Variants in NCALD observed in about 807,000 individuals in gnomAD.
NCALD encodes neurocalcin delta.
Under a neutral mutation model 18.6 loss-of-function variants are expected in NCALD, and 10 were observed. That is an observed-to-expected ratio of 0.54 (90% CI 0.33 to 0.91). The LOEUF (loss-of-function observed/expected upper bound fraction) is 0.91, where lower values mean the gene tolerates loss of function less well. Among genes scored for constraint, NCALD ranks in the 40% least tolerant of loss-of-function variants. NCALD has a pLI of 0.03. For missense variants in NCALD, 184 were observed against 247.6 expected (o/e 0.74, Z 1.72); for synonymous variants, 88 against 87.4 (o/e 1.01, Z -0.04).
intron 2 of NCALD, among the ~76,000 whole-genome samples, chr8:102,003,782 T>A (rs1238538224): frequency 1.3e-5 from 2 of 152,164 alleles, no homozygotes; most frequent in African/African-American, 4.8e-5. Flanking sequence ...AAAAACCACA[T>A]GATTATCTCA....
chr8:102,118,564 C>T (rs1001241534), intron 1 of NCALD, among the ~76,000 whole-genome samples: 2 of 152,212 alleles, frequency 1.3e-5, no homozygotes, highest in Non-Finnish European at 2.9e-5. Flanking sequence ...CAGTAGTCTA[C>T]TTCTGTGAGG....
chr8:101,849,215 G>A (rs1814996193), intron 4 of NCALD, among the ~76,000 whole-genome samples: 1 of 152,136 alleles, frequency 6.6e-6, no homozygotes, highest in South Asian at 2.1e-4. Flanking sequence ...GAGGGATGGG[G>A]AGGGAGAGCA....
intron 1 of NCALD, among the ~76,000 whole-genome samples, chr8:102,082,818 G>A (rs1003633706): frequency 4.6e-5 from 7 of 152,180 alleles, no homozygotes; most frequent in East Asian, 1.9e-4. Flanking sequence ...ACCGCAGGGC[G>A]CAACTGTAAT....
chr8:101,707,940 A>G (rs573220375), intron 2 of NCALD, among the ~76,000 whole-genome samples: 2 of 152,294 alleles, frequency 1.3e-5, no homozygotes, highest in African/African-American at 4.8e-5. Context: ...GTGGACTCCA[A>G]GATTTTTGAA....
chr8:101,868,292 C>T (rs755288706), intron 4 of NCALD, among the ~76,000 whole-genome samples: 1 of 152,006 alleles, frequency 6.6e-6, no homozygotes, highest in Admixed American at 6.6e-5. Flanking sequence ...CCACACTGAG[C>T]TCGCACTGAC....
At chr8:101,792,475 G>A (rs981891362), upstream of NCALD, among the ~76,000 whole-genome samples, 13 of 152,094 alleles carry the variant, frequency 8.5e-5, no homozygotes, top group African/African-American at 2.2e-4. Context: ...CTGCAAAACC[G>A]AAATCAAACT....
intron 2 of NCALD, among the ~76,000 whole-genome samples, chr8:101,972,445 T>C (rs1280560030): frequency 6.6e-6 from 1 of 152,238 alleles, no homozygotes; most frequent in Admixed American, 6.5e-5. Flanking sequence ...ATTTTTTCCC[T>C]CTGTTCCCTT....
At chr8:101,782,188 ATTTGGTTTGGAAC>A (rs1722348377) in intron 1 of NCALD, among the ~76,000 whole-genome samples, 1 of 151,462 alleles carries the variant, frequency 6.6e-6, no homozygotes, top group South Asian at 2.1e-4. Context: ...TGACTTGTTC[ATTTGGTTTGGAAC>A]TTATATGAGT....
At chr8:101,764,763 C>A (rs1443772878) in intron 1 of NCALD, among the ~76,000 whole-genome samples, 2 of 152,176 alleles carry the variant, frequency 1.3e-5, no homozygotes, top group Non-Finnish European at 2.9e-5. Flanking sequence ...CAATTTAATC[C>A]TCCTAATAGT....
intron 3 of NCALD, chr8:101,691,426 G>T: frequency 1.0e-6 from 1 of 985,264 alleles, no homozygotes; most frequent in Non-Finnish European, 1.2e-6. Context: ...TTCATTGCCT[G>T]TGATCAACAC....
intron 2 of NCALD, among the ~76,000 whole-genome samples, chr8:101,938,652 T>C (rs1818847381): frequency 8.2e-6 from 1 of 122,348 alleles, no homozygotes. Context: ...AAAGAAATAA[T>C]GGTAAAAAAA....
rs542852869 is a variant in NCALD at position 102,006,682 on chromosome 8, T to C, written c.-157+13555A>G. ...TGGTGGTTCTGACAGAAGCTGGTTC[T>C]CCAATGGCACATCTCTTACTACTGC... On this transcript the variant is annotated intron_variant, in intron 2 of 6. Coordinates refer to the NCALD transcript ENST00000311028. Among the ~76,000 whole-genome samples, 154 of 152,352 alleles carry C rather than the reference T, an allele frequency of 1.0e-3. 2 individuals carry two copies. The highest frequency in any genetic ancestry group is 3.5e-3 in the African/African-American group (147 of 41,584).
At chr8:102,089,132 C>T (rs1416798475) in intron 1 of NCALD, among the ~76,000 whole-genome samples, 1 of 152,180 alleles carries the variant, frequency 6.6e-6, no homozygotes, top group Non-Finnish European at 1.5e-5. Flanking sequence ...CAGTGGCTCA[C>T]GCTTGTAATC....
At chr8:101,886,763 A>C (rs1240173471) in intron 4 of NCALD, among the ~76,000 whole-genome samples, 1 of 152,192 alleles carries the variant, frequency 6.6e-6, no homozygotes, top group African/African-American at 2.4e-5. Flanking sequence ...ATACTAAATG[A>C]GTCCATTTGG....
At chr8:101,728,804 A>G (rs1051322808) in intron 1 of NCALD, among the ~76,000 whole-genome samples, 1 of 152,086 alleles carries the variant, frequency 6.6e-6, no homozygotes. Context: ...TGGGCAACAG[A>G]GCGAGACTCC....
chr8:101,716,570 C>A (rs1409810887), intron 2 of NCALD, among the ~76,000 whole-genome samples: 2 of 152,072 alleles, frequency 1.3e-5, no homozygotes, highest in Admixed American at 6.6e-5. Context: ...CTTATTCACC[C>A]AGATGTTGAT....
At chr8:101,858,259 C>A (rs868725709) in intron 4 of NCALD, among the ~76,000 whole-genome samples, 24 of 152,112 alleles carry the variant, frequency 1.6e-4, no homozygotes, top group African/African-American at 5.8e-4. Flanking sequence ...GTCATTGGAT[C>A]TATAGAGTGG....
intron 1 of NCALD, among the ~76,000 whole-genome samples, chr8:101,741,759 T>G (rs1810194183): frequency 1.4e-5 from 1 of 72,290 alleles, no homozygotes; most frequent in African/African-American, 6.6e-5. Flanking sequence ...AGACCTCATC[T>G]CTACAAAAAA....
chr8:102,017,897 T>TATC (rs1173060333), intron 2 of NCALD, among the ~76,000 whole-genome samples: 3 of 152,194 alleles, frequency 2.0e-5, no homozygotes, highest in Non-Finnish European at 4.4e-5. Flanking sequence ...ATTAGCTACA[T>TATC]ATCATTAAGA....
Sources: gnomAD v4.1 joint callset for allele counts (sites outside exome capture counted in the v4.1 genomes callset) on GRCh38, gnomAD v4.1.1 for gene constraint, MANE v1.5 for transcripts, NCBI Gene and HGNC (gene_info 2026-07-23, HGNC 2026-07-21) for gene names.